The following ZDHHC2 variants were observed in gnomAD, a reference collection of about 807,000 sequenced individuals.
ZDHHC2 encodes zDHHC palmitoyltransferase 2.
In ZDHHC2, 51 loss-of-function variants were observed where a neutral mutation model predicts 55.6. The ratio of observed to expected loss-of-function variants is 0.92; its 90% CI spans 0.73 to 1.16. ZDHHC2 has a LOEUF of 1.16. ZDHHC2 is among the 50% of genes most tolerant of loss of function. The pLI is 0.00. For synonymous variants in ZDHHC2, 199 were observed against 152.9 expected (o/e 1.30, Z -2.22); for missense variants, 491 against 442.4 (o/e 1.11, Z -0.99).
At chr8:17,214,632 G>T (rs34828815) in intron 10 of ZDHHC2, among the ~76,000 whole-genome samples, 1 of 152,076 alleles carries the variant, frequency 6.6e-6, no homozygotes, top group African/African-American at 2.4e-5. Flanking sequence ...AAATAGGCCC[G>T]GTGTGGTGGC....
In ZDHHC2 at chr8:17,161,357, A is replaced by G. The variant is rs1489614208; in HGVS notation, c.130+4504A>G. ...ATTACTTTAAAAACTGTGTAGGACA[A>G]TAAAGCATTTTTCACAAAAAAAGAA... On this transcript the variant is annotated intron_variant, in intron 1 of 12. Coordinates refer to ENST00000262096, the MANE Select transcript of ZDHHC2 (RefSeq NM_016353.5). Among the ~76,000 whole-genome samples the G allele has an allele frequency of 4.6e-5, 7 of 152,372 alleles. No homozygotes were observed. The East Asian group carries it at 1.2e-3, about 25-fold the overall frequency.
At chr8:17,175,868 G>A (rs978394994) in intron 1 of ZDHHC2, among the ~76,000 whole-genome samples, 3 of 152,216 alleles carry the variant, frequency 2.0e-5, no homozygotes, top group African/African-American at 7.2e-5. Context: ...AGAGAAAGAA[G>A]GAGCCAAGCG....
chr8:17,172,867 A>G (rs1191361700), intron 1 of ZDHHC2, among the ~76,000 whole-genome samples: 1 of 152,054 alleles, frequency 6.6e-6, no homozygotes. Context: ...TGCTCTAGGA[A>G]CCCAGAGCCC....
At chr8:17,219,204 C>A (rs1049707294) in intron 12 of ZDHHC2, among the ~76,000 whole-genome samples, 1 of 125,766 alleles carries the variant, frequency 8.0e-6, no homozygotes, top group South Asian at 2.7e-4. Context: ...GAGCCAAAAT[C>A]GTGCCATTGC....
intron 4 of ZDHHC2, among the ~76,000 whole-genome samples, chr8:17,197,346 G>A (rs1456394549): frequency 6.6e-6 from 1 of 152,148 alleles, no homozygotes; most frequent in Non-Finnish European, 1.5e-5. Flanking sequence ...AATTGAAAAA[G>A]CATCAGAAAA....
At chr8:17,164,230 T>C (rs1390782741) in intron 1 of ZDHHC2, among the ~76,000 whole-genome samples, 1 of 152,210 alleles carries the variant, frequency 6.6e-6, no homozygotes, top group Non-Finnish European at 1.5e-5. Flanking sequence ...GTTATAAATA[T>C]TAATTGCCTG....
rs753708514 is a variant in ZDHHC2 at position 17,195,541 on chromosome 8, G to C, written c.290G>C (p.Arg97Thr). 6.2e-7 allele frequency: 1 copy of C among 1,613,858 alleles called. No individual in the cohort carries two copies. Among genetic ancestry groups the C allele is most frequent in the South Asian group, 1.1e-5 (1 of 91,074 alleles). The change falls in exon 4 of 13, where the codon AGA becomes ACA. Residue 97 changes from arginine (R) to threonine (T), a missense_variant. Coordinates refer to ENST00000262096, the MANE Select transcript of ZDHHC2 (RefSeq NM_016353.5). ...LSYAEKDLLE[R>T]EPRGEAHQEV... ...TATGCAGAGAAAGATTTGTTGGAGA[G>C]AGAGCCAAGAGGAGAAGCCCATCAG...
At chr8:17,172,995 C>G (rs1249650312) in intron 1 of ZDHHC2, among the ~76,000 whole-genome samples, 1 of 152,130 alleles carries the variant, frequency 6.6e-6, no homozygotes, top group African/African-American at 2.4e-5. Flanking sequence ...ATTATGTTTG[C>G]AGAGGTTTTA....
At position 17,224,741 on chromosome 8, in the gene ZDHHC2, CTG is replaced by C. The variant is rs1186579867; in HGVS notation, c.*4522_*4523del. 1 of 151,688 alleles carries C rather than the reference CTG, an allele frequency of 6.6e-6. No individual in the cohort carries two copies. The highest frequency in any genetic ancestry group is 1.5e-5 in the Non-Finnish European group (1 of 67,704). The allele number at this position is 151,688 out of a possible 1,614,324, so 9.4% of individuals were successfully genotyped here. ...GTCAGTTTAGATTTTGTGTCTTTTT[CTG>C]TCAGTATGTATGGCTCCCTAATTGA... On this transcript the variant is annotated 3_prime_UTR_variant, in exon 13 of 13. Transcript: ENST00000262096.
chr8:17,187,196 C>G (rs966188896), intron 3 of ZDHHC2, among the ~76,000 whole-genome samples: 1 of 152,174 alleles, frequency 6.6e-6, no homozygotes, highest in Non-Finnish European at 1.5e-5. Flanking sequence ...CTAGCAATCT[C>G]TGCTTCAGAG....
Position 17,220,562 on chromosome 8 carries a change from A to C in ZDHHC2, c.*341A>C, listed in dbSNP as rs1348414098. On this transcript the variant is annotated 3_prime_UTR_variant, in exon 13 of 13. Transcript: ENST00000262096. ...ATGGGTAGCACAGTTTATCACATAG[A>C]AACTCCATTAATCATCTGATTTTCC... 1 of 152,220 alleles carries C rather than the reference A, an allele frequency of 6.6e-6. No individual in the cohort carries two copies. Among genetic ancestry groups the C allele is most frequent in the Non-Finnish European group, 1.5e-5 (1 of 68,034 alleles). 9.4% of individuals were successfully genotyped at this position (152,220 alleles called of 1,614,324 possible). A position where few individuals can be genotyped will look rare whatever the true frequency, so the allele number is the denominator to read the frequency against.
At chr8:17,181,415 A>T (rs939816292) in intron 1 of ZDHHC2, among the ~76,000 whole-genome samples, 6 of 152,250 alleles carry the variant, frequency 3.9e-5, no homozygotes, top group African/African-American at 1.4e-4. Flanking sequence ...TTAATGTGCT[A>T]TTCGTCGTGA....
At chr8:17,185,993 G>A (rs892842740) in intron 2 of ZDHHC2, among the ~76,000 whole-genome samples, 8 of 152,214 alleles carry the variant, frequency 5.3e-5, no homozygotes, top group African/African-American at 1.7e-4. Context: ...TTTTAATGCT[G>A]TGTTTGCTGT....
At chr8:17,172,541 G>A (rs1804911630) in intron 1 of ZDHHC2, among the ~76,000 whole-genome samples, 1 of 152,174 alleles carries the variant, frequency 6.6e-6, no homozygotes, top group Non-Finnish European at 1.5e-5. Flanking sequence ...CAACCATACG[G>A]TATTATGCAC....
intron 1 of ZDHHC2, among the ~76,000 whole-genome samples, chr8:17,183,235 A>G (rs1334816174): frequency 6.6e-6 from 1 of 152,150 alleles, no homozygotes. Context: ...TCCTTTCCTT[A>G]GATTGGCTCC....
chr8:17,215,467 T>C, intron 11 of ZDHHC2, 118 bp downstream of exon 11: 1 of 785,708 alleles, frequency 1.3e-6, no homozygotes, highest in Admixed American at 2.9e-5. Context: ...GTCAGACTTC[T>C]ATTCTAAATT....
intron 4 of ZDHHC2, among the ~76,000 whole-genome samples, chr8:17,196,836 A>C (rs1392025062): frequency 6.6e-6 from 1 of 151,968 alleles, no homozygotes; most frequent in Non-Finnish European, 1.5e-5. Context: ...GCTTGAACTC[A>C]GGAGGCAGAG....
At chr8:17,206,955 G>C (rs1431936290) in intron 7 of ZDHHC2, among the ~76,000 whole-genome samples, 1 of 152,162 alleles carries the variant, frequency 6.6e-6, no homozygotes, top group Non-Finnish European at 1.5e-5. Flanking sequence ...GAGACCTGCT[G>C]CTAACATTCA....
chr8:17,208,227 T>C lies in ZDHHC2; in HGVS notation c.730+135T>C, dbSNP rs1490064578. ...CATTCTTATTTTCCTCATTGTTTTT[T>C]TGATATGTCGCTTAGACACATACAG... On this transcript the variant is annotated intron_variant, in intron 8 of 12. Coordinates refer to ENST00000262096, the MANE Select transcript of ZDHHC2 (RefSeq NM_016353.5). 9.2e-6 allele frequency: 8 copies of C among 865,774 alleles called. No homozygotes were observed. The African/African-American group carries it at 1.2e-4, about 13-fold the overall frequency. The allele number at this position is 865,774 out of a possible 1,614,324, so 53.6% of individuals were successfully genotyped here. A position where few individuals can be genotyped will look rare whatever the true frequency, so the allele number is the denominator to read the frequency against.
Sources: allele counts gnomAD v4.1 joint callset (sites outside exome capture counted in the v4.1 genomes callset), GRCh38; gene constraint gnomAD v4.1.1; transcripts MANE v1.5; gene names NCBI Gene and HGNC (gene_info 2026-07-23, HGNC 2026-07-21).